IL33: variants seen among roughly 807,000 people sequenced by gnomAD.
IL33 encodes the protein interleukin 33.
A neutral mutation model predicts 27.3 loss-of-function variants in IL33; 37 were observed. The observed-to-expected ratio is 1.36, with a 90% CI of 1.04 to 1.78. The LOEUF (loss-of-function observed/expected upper bound fraction) is 1.78. Among genes scored for constraint, IL33 ranks in the 40% most tolerant of loss-of-function variants. The pLI is 0.00. For synonymous variants in IL33, 132 were observed against 102.9 expected, an observed-to-expected ratio of 1.28 and a Z score of -1.71; for missense variants, 406 against 311.4, an observed-to-expected ratio of 1.30 and a Z score of -2.29.
chr9:6,216,032 G>T (rs1260649174), intron 1 of IL33, among the ~76,000 whole-genome samples, 180 bp downstream of exon 1: 3 of 151,562 alleles, frequency 2.0e-5, no homozygotes, highest in Admixed American at 6.6e-5. Context: ...AATTCCATTT[G>T]CTTTCCTTTG....
chr9:6,241,728 A>G lies in IL33; in HGVS notation c.34A>G (p.Ile12Val). The change falls in exon 2 of 8, where the codon ATT becomes GTT. Residue 12 changes from isoleucine (I) to valine (V), a missense_variant. Ile to Val is a conservative substitution (Grantham distance 29, BLOSUM62 3). Coordinates refer to ENST00000682010, the MANE Select transcript of IL33 (RefSeq NM_033439.4). ...TAAAATGAAGTATTCAACCAACAAA[A>G]TTTCCACAGCAAAGTGGAAGAACAC... The part of the protein sequence containing the change: ...KPKMKYSTNK[I>V]STAKWKNTAS... 1.2e-6 allele frequency: 2 copies of G among 1,611,964 alleles called. No individual in the cohort carries two copies.
chr9:6,235,572 T>C (rs1035887016), intron 1 of IL33, among the ~76,000 whole-genome samples: 1 of 152,160 alleles, frequency 6.6e-6, no homozygotes, highest in African/African-American at 2.4e-5. Context: ...ATGCCATTAG[T>C]GAAATCTAAA....
Position 6,253,601 on chromosome 9 carries a change from A to T in IL33, c.519A>T (p.Ser173=). The T allele has an allele frequency of 1.9e-6, 3 of 1,606,252 alleles. No homozygotes were observed. Among genetic ancestry groups the T allele is most frequent in the Non-Finnish European group, 2.6e-6 (3 of 1,174,290 alleles). Residue 173 remains serine, a splice_region_variant and synonymous_variant, in exon 6 of 8, where the codon TCA becomes TCT. Transcript: ENST00000682010. ...AGTCTCAACACCCCTCAAATGAATC[A>T]GGTAATTTGGAGGGCTGGGTAGCTG... ...YYESQHPSNE[S]GDGVDGKMLM... is the part of the protein sequence containing the mutation.
chr9:6,251,347 G>C, intron 4 of IL33, 82 bp downstream of exon 4: 4 of 1,566,298 alleles, frequency 2.6e-6, no homozygotes, highest in Middle Eastern at 1.9e-4. Flanking sequence ...CCAGGTAGCA[G>C]TCCCAAGTCT....
chr9:6,241,818 G>A (rs576831554), intron 2 of IL33, 33 bp downstream of exon 2: 20 of 1,430,488 alleles, frequency 1.4e-5, no homozygotes, highest in East Asian at 4.7e-5. Flanking sequence ...AATGTTTTAC[G>A]CACTATTTTT....
intron 6 of IL33, among the ~76,000 whole-genome samples, chr9:6,254,046 C>T (rs945975121): frequency 6.6e-6 from 1 of 152,144 alleles, no homozygotes; most frequent in Admixed American, 6.5e-5. Flanking sequence ...GAAGTTGCAC[C>T]TAACACTTCC....
rs544272084 is a variant in IL33 at position 6,228,693 on chromosome 9, C to G, written c.-12+12841C>G. 1.3e-4 allele frequency among the ~76,000 whole-genome samples: 20 copies of G among 151,656 alleles called. 1 individual carries two copies. The highest frequency in any genetic ancestry group is 4.6e-4 in the African/African-American group (19 of 41,378). On this transcript the variant is annotated intron_variant, in intron 1 of 7. Coordinates refer to ENST00000682010, the MANE Select transcript of IL33 (RefSeq NM_033439.4). ...GCAACAAAGCGAGACCCTGTCTCTA[C>G]AAAAATAAAAATTTAGCCGAGTGTG... is the stretch of plus-strand genomic sequence containing the variant.
chr9:6,231,298 G>A (rs1818916423), intron 1 of IL33, among the ~76,000 whole-genome samples: 1 of 152,142 alleles, frequency 6.6e-6, no homozygotes, highest in Non-Finnish European at 1.5e-5. Flanking sequence ...GCCCAACCAA[G>A]CTTCTGTCCC....
At chr9:6,240,161 A>G (rs1217253774) in intron 1 of IL33, among the ~76,000 whole-genome samples, 1 of 152,238 alleles carries the variant, frequency 6.6e-6, no homozygotes, top group African/African-American at 2.4e-5. Flanking sequence ...TCTGAGCCAA[A>G]TATGAGTGAC....
intron 1 of IL33, among the ~76,000 whole-genome samples, chr9:6,239,076 T>C (rs936592318): frequency 2.0e-5 from 3 of 152,124 alleles, no homozygotes; most frequent in African/African-American, 7.2e-5. Flanking sequence ...GCTAGGCAAA[T>C]AGGGCAAAGT....
chr9:6,250,509 T>C lies in IL33; in HGVS notation c.127T>C (p.Tyr43His). The change falls in exon 3 of 8, where the codon TAC (tyrosine) becomes CAC (histidine). Residue 43 changes from tyrosine (Y) to histidine (H), a missense_variant. Physicochemically the swap from Tyr to His is moderately conservative, Grantham distance 83. Transcript: ENST00000682010. ...QQKAKEVCPM[Y>H]FMKLRSGLMI... The stretch of plus-strand genomic sequence containing the variant: ...GAAGGCCAAAGAAGTTTGCCCCATG[T>C]ACTTTATGAAGCTCCGCTCTGGCCT... 1 of 1,614,002 alleles carries C rather than the reference T, an allele frequency of 6.2e-7. No homozygotes were observed. Among genetic ancestry groups the C allele is most frequent in the South Asian group, 1.1e-5 (1 of 91,064 alleles).
At position 6,250,521 on chromosome 9, in the gene IL33, C is replaced by G; in HGVS notation, c.139C>G (p.Leu47Val). 6.2e-7 allele frequency: 1 copy of G among 1,613,980 alleles called. No homozygotes were observed. The highest frequency in any genetic ancestry group is 8.5e-7 in the Non-Finnish European group (1 of 1,179,918). Residue 47 changes from leucine to valine, a missense_variant, in exon 3 of 8, where the codon CTC (leucine) becomes GTC (valine). Leu to Val is a conservative substitution (Grantham distance 32). Transcript: ENST00000682010. Reference protein sequence around the residue: ...KEVCPMYFMKLRSGLMIKKEA... With the variant: ...KEVCPMYFMKVRSGLMIKKEA... ...AGTTTGCCCCATGTACTTTATGAAG[C>G]TCCGCTCTGGCCTTATGATAAAAAA...
At chr9:6,248,240 C>CTTTTTTTTTTTTTTTTTTTTTTTTTTTT (rs1179234471) in intron 2 of IL33, among the ~76,000 whole-genome samples, 1 of 84,886 alleles carries the variant, frequency 1.2e-5, no homozygotes, top group Non-Finnish European at 2.3e-5. Context: ...CTTTTCTTTT[C>CTTTTTTTTTTTTTTTTTTTTTTTTTTTT]TTTTTTTTTT....
chr9:6,240,969 C>T (rs551192824), intron 1 of IL33, among the ~76,000 whole-genome samples: 59 of 151,752 alleles, frequency 3.9e-4, no homozygotes, highest in African/African-American at 1.2e-3. Flanking sequence ...TTACTTTTTA[C>T]GCTTTTTCCT....
chr9:6,248,340 G>A (rs992558699), intron 2 of IL33, among the ~76,000 whole-genome samples: 7 of 145,846 alleles, frequency 4.8e-5, no homozygotes, highest in African/African-American at 1.5e-4. Flanking sequence ...CGGAGAGGTC[G>A]GATCTTTAAG....
At chr9:6,249,358 T>C (rs915467263) in intron 2 of IL33, among the ~76,000 whole-genome samples, 2 of 152,246 alleles carry the variant, frequency 1.3e-5, no homozygotes, top group Admixed American at 6.5e-5. Context: ...TTTTCTGAAT[T>C]ACTGTGACTA....
Position 6,255,882 on chromosome 9 carries a change from T to C in IL33, c.613-86T>C, listed in dbSNP as rs1176143032. The stretch of plus-strand genomic sequence containing the variant: ...GAAATATCAAGTCATAAATAAGTAT[T>C]CCCCTTTAGTTTCCAATACAGGCAG... On this transcript the variant is annotated intron_variant, in intron 7 of 7. Transcript: ENST00000682010. 3.9e-6 allele frequency: 4 copies of C among 1,031,200 alleles called. 1 individual carries two copies. Among genetic ancestry groups the C allele is most frequent in the Middle Eastern group, 4.1e-4 (2 of 4,860 alleles). 63.9% of individuals were successfully genotyped at this position (1,031,200 alleles called of 1,614,324 possible). A position where few individuals can be genotyped will look rare whatever the true frequency, so the allele number is the denominator to read the frequency against.
intron 1 of IL33, among the ~76,000 whole-genome samples, chr9:6,222,265 ATGT>A (rs1818443717): frequency 6.6e-6 from 1 of 152,190 alleles, no homozygotes; most frequent in Non-Finnish European, 1.5e-5. Context: ...TCATCTAACA[ATGT>A]TGTGTGTTAG....
At chr9:6,243,956 C>T (rs1402827220) in intron 2 of IL33, among the ~76,000 whole-genome samples, 1 of 152,224 alleles carries the variant, frequency 6.6e-6, no homozygotes, top group Non-Finnish European at 1.5e-5. Flanking sequence ...ACCAGGAAAT[C>T]ACAGCAGAAC....
Sources: allele counts gnomAD v4.1 joint callset (sites outside exome capture counted in the v4.1 genomes callset), GRCh38; gene constraint gnomAD v4.1.1; transcripts MANE v1.5; gene names NCBI Gene and HGNC (gene_info 2026-07-23, HGNC 2026-07-21).